The following PLCB1 variants were observed in gnomAD, a reference collection of about 807,000 sequenced individuals.
PLCB1 encodes 1-phosphatidylinositol 4,5-bisphosphate phosphodiesterase beta-1.
Under a neutral mutation model 161.8 loss-of-function variants are expected in PLCB1, and 46 were observed. The observed-to-expected ratio is 0.28, with a 90% CI of 0.22 to 0.36. The LOEUF (loss-of-function observed/expected upper bound fraction) is 0.36. PLCB1 is among the 10% of genes least tolerant of loss of function. The probability of loss-of-function intolerance (pLI) is 1.00; values close to 1 mark genes in which losing one functional copy is unlikely to be tolerated. For synonymous variants in PLCB1, 517 were observed against 503.7 expected (o/e 1.03, Z -0.35); for missense variants, 1,016 against 1,472.5 (o/e 0.69, Z 5.07).
chr20:8,220,864 C>T (rs1386615832), intron 2 of PLCB1, among the ~76,000 whole-genome samples: 1 of 152,150 alleles, frequency 6.6e-6, no homozygotes, highest in Non-Finnish European at 1.5e-5. Context: ...TGAAATAATG[C>T]TTCTGGAAAT....
intron 10 of PLCB1, 106 bp downstream of exon 10, chr20:8,685,184 C>A: frequency 9.2e-7 from 1 of 1,087,586 alleles, no homozygotes; most frequent in Non-Finnish European, 1.4e-6. Context: ...CCATTTCCTG[C>A]GAAGTGCCTC....
chr20:8,618,701 A>C (rs1054686621), intron 3 of PLCB1, among the ~76,000 whole-genome samples: 12 of 152,142 alleles, frequency 7.9e-5, no homozygotes, highest in African/African-American at 2.7e-4. Flanking sequence ...GCATTTTAGA[A>C]GACATTTTCT....
chr20:8,167,566 G>C (rs2051688271), intron 2 of PLCB1, among the ~76,000 whole-genome samples: 1 of 152,146 alleles, frequency 6.6e-6, no homozygotes. Context: ...TAAAAGGAAA[G>C]TAATTTCTTT....
intron 3 of PLCB1, among the ~76,000 whole-genome samples, chr20:8,618,336 A>G (rs1205347369): frequency 2.0e-5 from 3 of 152,152 alleles, no homozygotes; most frequent in Admixed American, 6.5e-5. Context: ...AGAGAGCTTT[A>G]CACTCCTTAA....
intron 3 of PLCB1, among the ~76,000 whole-genome samples, chr20:8,433,410 A>G (rs767125598): frequency 4.7e-5 from 7 of 148,982 alleles, no homozygotes; most frequent in East Asian, 3.9e-4. Context: ...TTGATTTGCA[A>G]TGTGGAAGCT....
chr20:8,163,945 G>A (rs1012316347), intron 2 of PLCB1, among the ~76,000 whole-genome samples: 1 of 152,202 alleles, frequency 6.6e-6, no homozygotes, highest in Non-Finnish European at 1.5e-5. Flanking sequence ...GCCTATTGGA[G>A]TGCTGTGGCA....
At chr20:8,841,846 A>G (rs1477878921) in intron 31 of PLCB1, among the ~76,000 whole-genome samples, 1 of 152,220 alleles carries the variant, frequency 6.6e-6, no homozygotes. Flanking sequence ...CACCTGTGGT[A>G]TCATCATGGG....
chr20:8,280,544 C>G (rs1240032284), intron 2 of PLCB1, among the ~76,000 whole-genome samples: 1 of 151,920 alleles, frequency 6.6e-6, no homozygotes, highest in East Asian at 1.9e-4. Context: ...CAAATGACTG[C>G]AAGAAATTTT....
chr20:8,802,031 A>T (rs1402486306), intron 31 of PLCB1: 1 of 1,307,202 alleles, frequency 7.6e-7, no homozygotes, highest in Non-Finnish European at 1.1e-6. Context: ...CACAAAAATG[A>T]CAGCCTCCCT....
At chr20:8,772,236 CA>C (rs759233512) in intron 26 of PLCB1, among the ~76,000 whole-genome samples, 1 of 151,978 alleles carries the variant, frequency 6.6e-6, no homozygotes, top group Non-Finnish European at 1.5e-5. Flanking sequence ...ATATAGAGTA[CA>C]AAATTGGAAT....
chr20:8,537,248 A>C (rs2179441), intron 3 of PLCB1, among the ~76,000 whole-genome samples: 96,366 of 151,996 alleles, frequency 0.63, 31,292 homozygotes, highest in African/African-American at 0.77. Flanking sequence ...CTTGGAGGTC[A>C]AGTGCACTGT....
chr20:8,138,909 A>AAATGG (rs1290016679), intron 1 of PLCB1, among the ~76,000 whole-genome samples: 2 of 152,064 alleles, frequency 1.3e-5, no homozygotes, highest in Non-Finnish European at 2.9e-5. Flanking sequence ...GCATGTACCT[A>AAATGG]TTAATTGAGG....
intron 2 of PLCB1, among the ~76,000 whole-genome samples, chr20:8,236,105 C>T (rs948984688): frequency 6.6e-6 from 1 of 151,970 alleles, no homozygotes; most frequent in African/African-American, 2.4e-5. Context: ...GAAGAAACTA[C>T]TAAAAAATGC....
chr20:8,816,474 A>G (rs1053004666), intron 31 of PLCB1, among the ~76,000 whole-genome samples: 1 of 152,258 alleles, frequency 6.6e-6, no homozygotes, highest in African/African-American at 2.4e-5. Flanking sequence ...AAAGCAAAGC[A>G]TTCAAAGTCC....
At chr20:8,732,750 TAATAC>T (rs1291408100) in intron 18 of PLCB1, among the ~76,000 whole-genome samples, 2 of 141,938 alleles carry the variant, frequency 1.4e-5, no homozygotes, top group African/African-American at 2.6e-5. Context: ...ATGATATATT[TAATAC>T]ATTAGATATT....
intron 31 of PLCB1, among the ~76,000 whole-genome samples, chr20:8,795,114 C>T (rs534410032): frequency 5.0e-4 from 76 of 152,252 alleles, no homozygotes; most frequent in Non-Finnish European, 9.4e-4. Flanking sequence ...TCTTTCTGGT[C>T]GCTATTTGGT....
At chr20:8,833,291 C>T (rs532780046) in intron 31 of PLCB1, among the ~76,000 whole-genome samples, 113 of 152,262 alleles carry the variant, frequency 7.4e-4, no homozygotes, top group African/African-American at 1.5e-3. Flanking sequence ...TCTTACATGA[C>T]GACAGGCAAA....
chr20:8,433,467 C>G (rs549724283), intron 3 of PLCB1, among the ~76,000 whole-genome samples: 4 of 117,186 alleles, frequency 3.4e-5, no homozygotes, highest in Non-Finnish European at 7.4e-5. Context: ...AGGGGAACTG[C>G]GAATTGCAAA....
chr20:8,450,653 A>G (rs1015210061), intron 3 of PLCB1, among the ~76,000 whole-genome samples: 2 of 152,204 alleles, frequency 1.3e-5, no homozygotes, highest in Admixed American at 1.3e-4. Context: ...TAACCTTGTA[A>G]TGAAAGCATG....
Sources: gnomAD v4.1 joint callset for allele counts (sites outside exome capture counted in the v4.1 genomes callset) on GRCh38, gnomAD v4.1.1 for gene constraint, MANE v1.5 for transcripts, NCBI Gene and HGNC (gene_info 2026-07-23, HGNC 2026-07-21) for gene names.